Variants in XKR4 observed in about 807,000 individuals in gnomAD.
XKR4 encodes the protein XK related 4, also known as XK-related protein 4.
A neutral mutation model predicts 53.9 loss-of-function variants in XKR4; 12 were observed. The observed-to-expected ratio is 0.22, with a 90% CI of 0.14 to 0.36. The LOEUF (loss-of-function observed/expected upper bound fraction) is 0.36, where lower values mean the gene tolerates loss of function less well. XKR4 is among the 10% of genes least tolerant of loss of function. XKR4 has a pLI of 1.00. For synonymous variants in XKR4, 354 were observed against 362.4 expected (o/e 0.98, Z 0.26); for missense variants, 799 against 859.5 (o/e 0.93, Z 0.88).
chr8:55,485,552 T>C (rs1255004095), intron 2 of XKR4, among the ~76,000 whole-genome samples: 3 of 152,194 alleles, frequency 2.0e-5, no homozygotes, highest in Non-Finnish European at 2.9e-5. Context: ...AAGCATTTTG[T>C]ATTTTTAGTA....
At chr8:55,203,001 C>A (rs1371500266) in intron 1 of XKR4, among the ~76,000 whole-genome samples, 1 of 152,172 alleles carries the variant, frequency 6.6e-6, no homozygotes, top group Non-Finnish European at 1.5e-5. Flanking sequence ...ATTTGAAAGA[C>A]CGAGGAGACT....
chr8:55,156,563 G>A (rs189686530), intron 1 of XKR4, among the ~76,000 whole-genome samples: 2 of 152,244 alleles, frequency 1.3e-5, no homozygotes, highest in Admixed American at 1.3e-4. Context: ...TAAAGAGTTT[G>A]GCGATAACTG....
Position 55,187,346 on chromosome 8 carries a change from G to C in XKR4, c.806+84052G>C, listed in dbSNP as rs1817393450. 4.8e-5 allele frequency among the ~76,000 whole-genome samples: 7 copies of C among 145,828 alleles called. No individual in the cohort carries two copies. In the South Asian group the frequency reaches 1.6e-3, roughly 33 times the overall value. On this transcript the variant is annotated intron_variant, in intron 1 of 2. Coordinates refer to ENST00000327381, the MANE Select transcript of XKR4 (RefSeq NM_052898.2). ...AAAAAGAAGAAGAATACCTGCTATT[G>C]ATAGTGACACAATTAAGGAAATATA...
intron 2 of XKR4, among the ~76,000 whole-genome samples, chr8:55,460,236 G>A (rs978056721): frequency 6.6e-6 from 1 of 152,160 alleles, no homozygotes; most frequent in Non-Finnish European, 1.5e-5. Flanking sequence ...CAAAACCACA[G>A]TAACAGAAAG....
At chr8:55,318,863 G>C (rs567471040) in intron 1 of XKR4, among the ~76,000 whole-genome samples, 1 of 152,250 alleles carries the variant, frequency 6.6e-6, no homozygotes, top group East Asian at 1.9e-4. Flanking sequence ...TATCAGATGT[G>C]ACAAATTAAC....
chr8:55,322,804 A>G (rs559642579), intron 1 of XKR4, among the ~76,000 whole-genome samples: 4 of 152,230 alleles, frequency 2.6e-5, no homozygotes, highest in Admixed American at 6.5e-5. Context: ...TTTATCTTCT[A>G]TTCTTTTTGT....
chr8:55,477,136 A>C (rs1289484697), intron 2 of XKR4, among the ~76,000 whole-genome samples: 5 of 152,080 alleles, frequency 3.3e-5, no homozygotes, highest in Admixed American at 1.3e-4. Flanking sequence ...ACTGGGAGGC[A>C]CTGCCTGGTA....
At chr8:55,368,064 G>A (rs564460518) in intron 2 of XKR4, among the ~76,000 whole-genome samples, 23 of 152,156 alleles carry the variant, frequency 1.5e-4, no homozygotes, top group Admixed American at 7.8e-4. Context: ...AGGTTCAAGC[G>A]ATTCCCGTGC....
At chr8:55,159,349 C>T (rs1291388296) in intron 1 of XKR4, among the ~76,000 whole-genome samples, 2 of 152,156 alleles carry the variant, frequency 1.3e-5, no homozygotes, top group African/African-American at 4.8e-5. Context: ...CATCCCTGCC[C>T]TCACAGAGCT....
At chr8:55,486,158 G>A (rs1450188399) in intron 2 of XKR4, among the ~76,000 whole-genome samples, 1 of 152,154 alleles carries the variant, frequency 6.6e-6, no homozygotes, top group African/African-American at 2.4e-5. Context: ...CTGTCAGAAA[G>A]TGAGGTATAA....
chr8:55,502,997 A>G (rs1168742948), intron 2 of XKR4, among the ~76,000 whole-genome samples: 1 of 152,146 alleles, frequency 6.6e-6, no homozygotes, highest in South Asian at 2.1e-4. Context: ...CTTGTCAAAA[A>G]TCGTTTGACC....
intron 1 of XKR4, among the ~76,000 whole-genome samples, chr8:55,117,645 A>G (rs572053047): frequency 6.6e-6 from 1 of 152,188 alleles, no homozygotes; most frequent in Non-Finnish European, 1.5e-5. Flanking sequence ...CAGAGAGGGC[A>G]AGAGACTTGC....
At chr8:55,104,191 G>A (rs2129350261) in intron 1 of XKR4, among the ~76,000 whole-genome samples, 1 of 152,150 alleles carries the variant, frequency 6.6e-6, no homozygotes, top group South Asian at 2.1e-4. Flanking sequence ...ATGGACTTAG[G>A]AGCAGAATGA....
At chr8:55,186,994 A>G (rs963043872) in intron 1 of XKR4, among the ~76,000 whole-genome samples, 5 of 151,742 alleles carry the variant, frequency 3.3e-5, no homozygotes, top group African/African-American at 1.2e-4. Flanking sequence ...TTTTTTTCTG[A>G]AGACTGGCAT....
intron 1 of XKR4, among the ~76,000 whole-genome samples, chr8:55,209,446 G>T (rs773721661): frequency 6.6e-6 from 1 of 152,258 alleles, no homozygotes; most frequent in East Asian, 1.9e-4. Context: ...TCCAGAGCCC[G>T]TGCGCTTAAT....
At chr8:55,413,707 G>A (rs1481281584) in intron 2 of XKR4, among the ~76,000 whole-genome samples, 1 of 152,118 alleles carries the variant, frequency 6.6e-6, no homozygotes, top group Non-Finnish European at 1.5e-5. Context: ...ATAATAACCA[G>A]AGAGATGCAT....
In XKR4 at chr8:55,180,700, T is replaced by C. The variant is rs189188555; in HGVS notation, c.806+77406T>C. Among the ~76,000 whole-genome samples, 1,061 of 152,096 alleles carry C rather than the reference T, an allele frequency of 7.0e-3. 13 individuals are homozygous for C. Among genetic ancestry groups the C allele is most frequent in the African/African-American group, 0.024 (1,001 of 41,484 alleles). On this transcript the variant is annotated intron_variant, in intron 1 of 2. Transcript: ENST00000327381. ...GCACCCGCCACCACACTTGGCTAAT[T>C]TTTTGTATTTTTAGTAGAGACGGGG...
intron 1 of XKR4, among the ~76,000 whole-genome samples, chr8:55,341,981 T>C (rs1478202413): frequency 6.6e-6 from 1 of 151,468 alleles, no homozygotes; most frequent in Non-Finnish European, 1.5e-5. Context: ...TCCCAAATAA[T>C]CCCTTAGACT....
chr8:55,254,902 A>T (rs1298756323), intron 1 of XKR4, among the ~76,000 whole-genome samples: 1 of 152,228 alleles, frequency 6.6e-6, no homozygotes, highest in Non-Finnish European at 1.5e-5. Context: ...TTGTCTACTC[A>T]TGAATTATAT....
Sources: gnomAD v4.1 joint callset for allele counts (sites outside exome capture counted in the v4.1 genomes callset) on GRCh38, gnomAD v4.1.1 for gene constraint, MANE v1.5 for transcripts, NCBI Gene and HGNC (gene_info 2026-07-23, HGNC 2026-07-21) for gene names.